The following CATSPERG variants were observed in gnomAD, a reference collection of about 807,000 sequenced individuals.
The protein encoded by CATSPERG is cation channel sperm-associated auxiliary subunit gamma.
CATSPERG carries 115 observed loss-of-function variants against 145.0 expected under a neutral mutation model. That is an observed-to-expected ratio of 0.79 (90% confidence interval 0.68 to 0.93). The LOEUF (loss-of-function observed/expected upper bound fraction) is 0.93, where lower values mean the gene tolerates loss of function less well. CATSPERG is among the 40% of genes least tolerant of loss of function. The probability of loss-of-function intolerance (pLI) is 0.00; values close to 1 mark genes in which losing one functional copy is unlikely to be tolerated. For missense variants in CATSPERG, 1,296 were observed against 1,490.1 expected, an observed-to-expected ratio of 0.87 and a Z score of 2.14; for synonymous variants, 588 against 589.0, an observed-to-expected ratio of 1.00 and a Z score of 0.02.
At chr19:38,337,677 CTA>C in intron 3 of CATSPERG, 31 bp downstream of exon 3, 1 of 1,519,072 alleles carries the variant, frequency 6.6e-7, no homozygotes, top group South Asian at 1.2e-5. Flanking sequence ...TAGGCTCATT[CTA>C]TGAGCCTTGG....
chr19:38,363,694 T>C (rs894506625), intron 20 of CATSPERG, among the ~76,000 whole-genome samples: 1 of 151,886 alleles, frequency 6.6e-6, no homozygotes, highest in Non-Finnish European at 1.5e-5. Context: ...TTCAAGCATC[T>C]GTTTAACAAA....
chr19:38,358,726 A>T (rs1970291806), intron 13 of CATSPERG, among the ~76,000 whole-genome samples, 165 bp downstream of exon 13: 1 of 152,254 alleles, frequency 6.6e-6, no homozygotes, highest in Non-Finnish European at 1.5e-5. Flanking sequence ...CCGTTAGGGT[A>T]GTCAGTGCTG....
chr19:38,370,546 G>T lies in CATSPERG; in HGVS notation c.3234G>T (p.Val1078=). ...TGCAGGTGTCAGCTAGCGTGTTTGTGGGCCTGGTGATCTTCTACATCGCCT... is the reference window on the plus strand; with the variant it reads ...TGCAGGTGTCAGCTAGCGTGTTTGTTGGCCTGGTGATCTTCTACATCGCCT... ...FIIMVSASVF[V]GLVIFYIAFC... is the part of the protein sequence containing the mutation. The change falls in exon 29 of 29, where the codon GTG becomes GTT. Residue 1078 remains valine (V), a synonymous_variant. Transcript: ENST00000409235. 3 of 1,614,138 alleles carry T rather than the reference G, an allele frequency of 1.9e-6. No homozygotes were observed. The highest frequency in any genetic ancestry group is 2.5e-6 in the Non-Finnish European group (3 of 1,180,016).
intron 16 of CATSPERG, among the ~76,000 whole-genome samples, 186 bp downstream of exon 16, chr19:38,361,029 G>C (rs1279401188): frequency 1.3e-5 from 2 of 152,214 alleles, no homozygotes; most frequent in Non-Finnish European, 2.9e-5. Flanking sequence ...AGGTGCATCA[G>C]GGAGGGCTTC....
intron 7 of CATSPERG, among the ~76,000 whole-genome samples, chr19:38,347,633 A>G (rs1177929133): frequency 6.6e-6 from 1 of 152,138 alleles, no homozygotes; most frequent in Non-Finnish European, 1.5e-5. Flanking sequence ...GTTTACCCAG[A>G]GAACTGGCTT....
intron 7 of CATSPERG, among the ~76,000 whole-genome samples, chr19:38,346,867 G>A (rs1426708399): frequency 6.6e-6 from 1 of 152,164 alleles, no homozygotes; most frequent in African/African-American, 2.4e-5. Context: ...TTGTAACATG[G>A]GAGTAATATT....
intron 3 of CATSPERG, among the ~76,000 whole-genome samples, chr19:38,342,454 G>T (rs1424331061): frequency 6.6e-6 from 1 of 151,848 alleles, no homozygotes; most frequent in East Asian, 1.9e-4. Flanking sequence ...ACAAAAATTA[G>T]CTGGGCATGG....
rs1326933767 is a variant in CATSPERG, at chr19:38,360,526, A to T, written c.1646A>T (p.Gln549Leu). ...CTGGAGGGCAGCTACCGGGTCTACC[A>T]GCTGTTCCCTTCCAAGGGCTGGCAG... is the stretch of plus-strand genomic sequence containing the variant. ...YLLEGSYRVYQLFPSKGWQVH... is the reference protein window; with the variant it reads ...YLLEGSYRVYLLFPSKGWQVH... The change falls in exon 15 of 29, where the codon CAG becomes CTG. Residue 549 changes from glutamine to leucine, a missense_variant. Physicochemically the swap from Gln to Leu is moderately radical, Grantham distance 113 (BLOSUM62 -2). Coordinates refer to ENST00000409235, the MANE Select transcript of CATSPERG (RefSeq NM_021185.5). 3 of 1,614,182 alleles carry T rather than the reference A, an allele frequency of 1.9e-6. No homozygotes were observed. The highest frequency in any genetic ancestry group is 2.5e-6 in the Non-Finnish European group (3 of 1,180,032).
Position 38,344,283 on chromosome 19 carries a change from C to A in CATSPERG, c.597-13C>A. The A allele has an allele frequency of 6.4e-7, 1 of 1,551,342 alleles. No individual in the cohort carries two copies. The highest frequency in any genetic ancestry group is 8.7e-7 in the Non-Finnish European group (1 of 1,146,742). On this transcript the variant is annotated splice_polypyrimidine_tract_variant and intron_variant, in intron 5 of 28. Transcript: ENST00000409235. ...TGGGACCTCACCTGCGCCTATTCTG[C>A]ACCTGCTGCTAGGTTCCAGATGAAT... is the stretch of plus-strand genomic sequence containing the variant.
chr19:38,359,420 G>A (rs367648131), intron 13 of CATSPERG, 50 bp from the exon 14 acceptor site: 44 of 1,213,896 alleles, frequency 3.6e-5, no homozygotes, highest in Non-Finnish European at 5.4e-5. Context: ...CTGGGATTGG[G>A]GGAAGCGGCT....
chr19:38,356,444 AG>A (rs1970244141), intron 9 of CATSPERG, 39 bp from the exon 10 acceptor site: 2 of 1,603,994 alleles, frequency 1.2e-6, no homozygotes, highest in Non-Finnish European at 8.5e-7. Flanking sequence ...GCCAGACAGG[AG>A]GGAGAGGGCC....
Position 38,344,899 on chromosome 19 carries a change from A to ATT in CATSPERG, c.669+532_669+533insTT, listed in dbSNP as rs1457655650. 1.3e-3 allele frequency among the ~76,000 whole-genome samples: 118 copies of ATT among 93,044 alleles called. 2 individuals carry two copies. Among genetic ancestry groups the ATT allele is most frequent in the East Asian group, 5.3e-3 (13 of 2,452 alleles). The allele number at this position is 93,044 out of a possible 152,430, so 61.0% of individuals were successfully genotyped here. The stretch of plus-strand genomic sequence containing the variant: ...CACACACACATATATATATATATAT[A>ATT]TATTTTTTTTTTTTTTTTTTTTTTT... On this transcript the variant is annotated intron_variant, in intron 6 of 28. Transcript: ENST00000409235.
intron 3 of CATSPERG, among the ~76,000 whole-genome samples, chr19:38,338,892 A>G: frequency 6.6e-6 from 1 of 151,992 alleles, no homozygotes; most frequent in East Asian, 1.9e-4. Context: ...TAATTAATTA[A>G]TTTTTGAGAT....
chr19:38,347,183 C>A (rs1244474127), intron 7 of CATSPERG, among the ~76,000 whole-genome samples: 1 of 152,134 alleles, frequency 6.6e-6, no homozygotes, highest in Non-Finnish European at 1.5e-5. Flanking sequence ...TGCACTTCAG[C>A]CTGGGAGACA....
intron 22 of CATSPERG, chr19:38,366,870 T>G: frequency 2.8e-6 from 1 of 356,932 alleles, no homozygotes; most frequent in East Asian, 5.4e-5. Context: ...TTTTTTGTAT[T>G]TTTAGTAGAG....
intron 25 of CATSPERG, 83 bp from the exon 26 acceptor site, chr19:38,367,965 C>A: frequency 7.6e-7 from 1 of 1,321,608 alleles, no homozygotes; most frequent in Non-Finnish European, 1.1e-6. Flanking sequence ...CCACCTGTGG[C>A]CTCCCTCCAC....
chr19:38,357,634 T>C (rs907472665), intron 11 of CATSPERG, among the ~76,000 whole-genome samples: 1 of 151,730 alleles, frequency 6.6e-6, no homozygotes, highest in Non-Finnish European at 1.5e-5. Flanking sequence ...CTAGGCAATA[T>C]AGCGAAACCT....
At chr19:38,335,959 A>C in intron 1 of CATSPERG, 84 bp downstream of exon 1, 3 of 257,390 alleles carry the variant, frequency 1.2e-5, no homozygotes, top group South Asian at 2.8e-5. Context: ...GGGGAGGGGA[A>C]GGGGAAGGCG....
At chr19:38,369,271 A>AT (rs1970506612) in intron 26 of CATSPERG, among the ~76,000 whole-genome samples, 1 of 151,922 alleles carries the variant, frequency 6.6e-6, no homozygotes, top group Non-Finnish European at 1.5e-5. Context: ...ATTTTTATTT[A>AT]TTTTTTTGAG....
Sources: gnomAD v4.1 joint callset for allele counts (sites outside exome capture counted in the v4.1 genomes callset) on GRCh38, gnomAD v4.1.1 for gene constraint, MANE v1.5 for transcripts, NCBI Gene and HGNC (gene_info 2026-07-23, HGNC 2026-07-21) for gene names.